SLC24A3: variants seen among roughly 807,000 people sequenced by gnomAD.
SLC24A3 encodes solute carrier family 24 member 3.
Under a neutral mutation model 75.8 loss-of-function variants are expected in SLC24A3, and 28 were observed. The ratio of observed to expected loss-of-function variants is 0.37; its 90% CI spans 0.27 to 0.51. The LOEUF (loss-of-function observed/expected upper bound fraction) is 0.51. Among genes scored for constraint, SLC24A3 ranks in the 20% least tolerant of loss-of-function variants. SLC24A3 has a pLI of 0.94. For synonymous variants in SLC24A3, 372 were observed against 334.1 expected, an observed-to-expected ratio of 1.11 and a Z score of -1.24; for missense variants, 663 against 847.8, an observed-to-expected ratio of 0.78 and a Z score of 2.71.
chr20:19,447,435 G>A (rs554467477), intron 2 of SLC24A3, among the ~76,000 whole-genome samples: 1 of 152,180 alleles, frequency 6.6e-6, no homozygotes, highest in African/African-American at 2.4e-5. Flanking sequence ...AATACTGAAT[G>A]GACAGGTTTG....
intron 2 of SLC24A3, among the ~76,000 whole-genome samples, chr20:19,347,290 G>A (rs2876535): frequency 0.34 from 51,421 of 151,960 alleles, 9,000 homozygotes; most frequent in Middle Eastern, 0.52. Flanking sequence ...TTATGATACT[G>A]TAATGATGGA....
chr20:19,485,627 T>G (rs1053455839), intron 2 of SLC24A3, among the ~76,000 whole-genome samples: 13 of 152,294 alleles, frequency 8.5e-5, no homozygotes, highest in African/African-American at 2.6e-4. Flanking sequence ...ATGTAATATA[T>G]CTATTCAAAC....
At chr20:19,615,719 G>C (rs1467953435) in intron 6 of SLC24A3, among the ~76,000 whole-genome samples, 2 of 152,180 alleles carry the variant, frequency 1.3e-5, no homozygotes, top group African/African-American at 2.4e-5. Context: ...TGAGTCTTCT[G>C]GCTCTTTTAT....
At chr20:19,312,432 A>G (rs1308010261) in intron 2 of SLC24A3, among the ~76,000 whole-genome samples, 1 of 152,202 alleles carries the variant, frequency 6.6e-6, no homozygotes, top group Non-Finnish European at 1.5e-5. Flanking sequence ...ATGCATACAT[A>G]TCCTAGAGAA....
intron 3 of SLC24A3, among the ~76,000 whole-genome samples, chr20:19,552,536 C>T (rs1195195940): frequency 1.3e-5 from 2 of 152,116 alleles, no homozygotes; most frequent in African/African-American, 4.8e-5. Flanking sequence ...CACTTCTTGC[C>T]ATTATTTGAT....
intron 4 of SLC24A3, among the ~76,000 whole-genome samples, chr20:19,584,525 T>G (rs2031265894): frequency 6.6e-6 from 1 of 152,130 alleles, no homozygotes; most frequent in South Asian, 2.1e-4. Context: ...CTGGCCACAC[T>G]GAGGGAACTG....
At chr20:19,298,825 T>C (rs1984122459) in intron 2 of SLC24A3, among the ~76,000 whole-genome samples, 1 of 152,200 alleles carries the variant, frequency 6.6e-6, no homozygotes, top group African/African-American at 2.4e-5. Flanking sequence ...GGATACAATG[T>C]AGAACACATA....
At chr20:19,285,511 T>C (rs1983792629) in intron 2 of SLC24A3, among the ~76,000 whole-genome samples, 1 of 149,000 alleles carries the variant, frequency 6.7e-6, no homozygotes, top group Non-Finnish European at 1.5e-5. Context: ...AAGGCATTTT[T>C]CCTTTGCCCC....
intron 9 of SLC24A3, among the ~76,000 whole-genome samples, chr20:19,679,503 G>A (rs1017608262): frequency 6.6e-6 from 1 of 151,148 alleles, no homozygotes; most frequent in Admixed American, 6.6e-5. Context: ...GAAAGAGACG[G>A]AGAGGGAGAC....
At chr20:19,491,052 T>C (rs1481590667) in intron 2 of SLC24A3, among the ~76,000 whole-genome samples, 5 of 152,238 alleles carry the variant, frequency 3.3e-5, no homozygotes, top group Non-Finnish European at 5.9e-5. Context: ...TCTTTTCCCA[T>C]GCACTAATCA....
chr20:19,246,960 G>A (rs1270932519), intron 1 of SLC24A3, among the ~76,000 whole-genome samples: 1 of 152,132 alleles, frequency 6.6e-6, no homozygotes, highest in East Asian at 1.9e-4. Flanking sequence ...ATCAGGAACA[G>A]GCAAGAGTGA....
intron 2 of SLC24A3, among the ~76,000 whole-genome samples, chr20:19,308,740 A>G (rs546315627): frequency 2.0e-5 from 3 of 152,358 alleles, no homozygotes; most frequent in Non-Finnish European, 4.4e-5. Context: ...AGGAGCCCGT[A>G]TTATGACTTA....
intron 2 of SLC24A3, among the ~76,000 whole-genome samples, chr20:19,491,920 G>C (rs143831473): frequency 6.6e-5 from 10 of 152,202 alleles, no homozygotes; most frequent in Admixed American, 3.3e-4. Context: ...TTAGTTAAGG[G>C]ACCTGGGCAG....
chr20:19,315,072 C>T (rs999542185), intron 2 of SLC24A3, among the ~76,000 whole-genome samples: 9 of 152,122 alleles, frequency 5.9e-5, no homozygotes, highest in Admixed American at 2.6e-4. Flanking sequence ...CTGAGGCACC[C>T]GCGTTCTGTC....
intron 2 of SLC24A3, among the ~76,000 whole-genome samples, chr20:19,473,894 T>C (rs1466319121): frequency 6.6e-6 from 1 of 152,268 alleles, no homozygotes; most frequent in East Asian, 1.9e-4. Context: ...CAGAGACTTC[T>C]AATTAAAAGA....
intron 6 of SLC24A3, among the ~76,000 whole-genome samples, chr20:19,623,648 G>A (rs930492809): frequency 6.6e-5 from 10 of 152,136 alleles, no homozygotes; most frequent in African/African-American, 2.4e-4. Flanking sequence ...ATAACCATAT[G>A]TGTTTAGTGG....
At chr20:19,653,833 A>G (rs567991938) in intron 6 of SLC24A3, among the ~76,000 whole-genome samples, 1 of 152,260 alleles carries the variant, frequency 6.6e-6, no homozygotes, top group South Asian at 2.1e-4. Flanking sequence ...ATTTTCTATC[A>G]CCAGTTGTTT....
At position 19,346,145 on chromosome 20, in the gene SLC24A3, G is replaced by A. The variant is rs1168788474; in HGVS notation, c.271+65058G>A. On this transcript the variant is annotated intron_variant, in intron 2 of 16. Coordinates refer to ENST00000328041, the MANE Select transcript of SLC24A3 (RefSeq NM_020689.4). ...GTGTGTATATATATATATGGTGTGT[G>A]TATATATATATGGTGTATATATATG... is the stretch of plus-strand genomic sequence containing the variant. Among the ~76,000 whole-genome samples, 16 of 76,686 alleles carry A rather than the reference G, an allele frequency of 2.1e-4. 6 individuals carry two copies. Among genetic ancestry groups the A allele is most frequent in the African/African-American group, 7.0e-4 (12 of 17,066 alleles). The allele number at this position is 76,686 out of a possible 152,430, so 50.3% of individuals were successfully genotyped here.
intron 2 of SLC24A3, among the ~76,000 whole-genome samples, chr20:19,310,582 C>T (rs571950032): frequency 2.4e-4 from 36 of 152,280 alleles, no homozygotes; most frequent in African/African-American, 7.0e-4. Context: ...GACTGACCTG[C>T]GGCTACCTGG....
Sources: allele counts gnomAD v4.1 joint callset (sites outside exome capture counted in the v4.1 genomes callset), GRCh38; gene constraint gnomAD v4.1.1; transcripts MANE v1.5; gene names NCBI Gene and HGNC (gene_info 2026-07-23, HGNC 2026-07-21).